RPTOR: variants seen among roughly 807,000 people sequenced by gnomAD.
The protein encoded by RPTOR is regulatory-associated protein of mTOR.
Under a neutral mutation model 169.9 loss-of-function variants are expected in RPTOR, and 21 were observed. The ratio of observed to expected loss-of-function variants is 0.12; its 90% CI spans 0.09 to 0.18. RPTOR has a LOEUF of 0.18. RPTOR is among the 10% of genes least tolerant of loss of function. The pLI is 1.00. For synonymous variants in RPTOR, 732 were observed against 753.2 expected, an observed-to-expected ratio of 0.97 and a Z score of 0.46; for missense variants, 1,133 against 1,855.9, an observed-to-expected ratio of 0.61 and a Z score of 7.16.
In RPTOR at chr17:80,966,117, A is replaced by AACCC. The variant is rs2069426502; in HGVS notation, c.*1787_*1788insACCC. ...GGCAGGTGGCTCCAGAGGGGTCAAG[A>AACCC]CCCCCCCCCGCCCCCGCTCCACCCT... On this transcript the variant is annotated 3_prime_UTR_variant, in exon 34 of 34. Coordinates refer to ENST00000306801, the MANE Select transcript of RPTOR (RefSeq NM_020761.3). The AACCC allele has an allele frequency of 5.7e-6, 1 of 175,608 alleles. No homozygotes were observed. Among genetic ancestry groups the AACCC allele is most frequent in the Non-Finnish European group, 1.1e-5 (1 of 93,008 alleles). 10.9% of individuals were successfully genotyped at this position (175,608 alleles called of 1,614,324 possible).
chr17:80,743,358 A>T (rs2066504059), intron 5 of RPTOR: 1 of 985,364 alleles, frequency 1.0e-6, no homozygotes, highest in Admixed American at 6.1e-5. Flanking sequence ...AGCCACAAGG[A>T]CCGAGGGAGG....
rs948869400 is a variant in RPTOR at position 80,726,224 on chromosome 17, G to C, written c.508-4336G>C. ...TGTTACGGGGTGAAAGCCCCTCTTA[G>C]AATTTAAAGTCCTAGAGCAGAGACC... On this transcript the variant is annotated intron_variant, in intron 4 of 33. Coordinates refer to ENST00000306801, the MANE Select transcript of RPTOR (RefSeq NM_020761.3). This position sits in a 1 kb window ranked among gnomAD's most constrained non-coding sequence, Gnocchi z 4.5. Among the ~76,000 whole-genome samples, 1 of 152,168 alleles carries C rather than the reference G, an allele frequency of 6.6e-6. No individual in the cohort carries two copies. Among genetic ancestry groups the C allele is most frequent in the Non-Finnish European group, 1.5e-5 (1 of 68,028 alleles).
chr17:80,714,612 TAATG>T (rs1350104849), intron 4 of RPTOR, among the ~76,000 whole-genome samples: 1 of 152,196 alleles, frequency 6.6e-6, no homozygotes, highest in Non-Finnish European at 1.5e-5. Flanking sequence ...AACCTAAAGA[TAATG>T]AAACTATGAC....
chr17:80,791,383 C>T, intron 6 of RPTOR, 67 bp from the exon 7 acceptor site: 8 of 1,435,076 alleles, frequency 5.6e-6, no homozygotes, highest in Non-Finnish European at 7.8e-6. Flanking sequence ...CCTTTTTCTG[C>T]AGGCCTGTTG....
intron 9 of RPTOR, among the ~76,000 whole-genome samples, chr17:80,829,066 T>A (rs1228647637): frequency 6.6e-6 from 1 of 152,274 alleles, no homozygotes. Flanking sequence ...TTCTCCATTT[T>A]AAAAATTGAT....
rs565710831 is a variant in RPTOR at position 80,803,780 on chromosome 17, T to C, written c.890+12271T>C. 2 of 152,386 alleles carry C rather than the reference T, an allele frequency of 1.3e-5. No homozygotes were observed. The highest frequency in any genetic ancestry group is 4.8e-5 in the African/African-American group (2 of 41,574). 9.4% of individuals were successfully genotyped at this position (152,386 alleles called of 1,614,324 possible). A position where few individuals can be genotyped will look rare whatever the true frequency, so the allele number is the denominator to read the frequency against. ...AACGCACATAAGAGGAGTGTGAATGTACCAGGAGAGCCATGTGATCGCACA... is the reference window on the plus strand; with the variant it reads ...AACGCACATAAGAGGAGTGTGAATGCACCAGGAGAGCCATGTGATCGCACA... On this transcript the variant is annotated intron_variant, in intron 7 of 33. Transcript: ENST00000306801. This position sits in a 1 kb window ranked among gnomAD's most constrained non-coding sequence, Gnocchi z 6.2.
intron 11 of RPTOR, among the ~76,000 whole-genome samples, chr17:80,850,059 T>G (rs2067777217): frequency 6.6e-6 from 1 of 152,244 alleles, no homozygotes; most frequent in Non-Finnish European, 1.5e-5. Context: ...ATTTATTTAC[T>G]TGGCCCTTTT....
chr17:80,654,881 A>C (rs964546147), intron 3 of RPTOR, among the ~76,000 whole-genome samples: 3 of 152,238 alleles, frequency 2.0e-5, no homozygotes, highest in Admixed American at 2.0e-4. Context: ...TATGCGATGC[A>C]TAATTTTCTA....
chr17:80,730,779 G>GGGC lies in RPTOR; in HGVS notation c.654+73_654+74insGGC. On this transcript the variant is annotated intron_variant, in intron 5 of 33. Transcript: ENST00000306801. The surrounding 1 kb of genome is among the most constrained non-coding windows in gnomAD (Gnocchi z 4.2). ...TCCCTGGGGGTGGGGTTTGGGTGGG[G>GGGC]AGGTTGGGAGGTGTTGGACATCCTC... 2 of 628,128 alleles carry GGGC rather than the reference G, an allele frequency of 3.2e-6. No individual in the cohort carries two copies. Among genetic ancestry groups the GGGC allele is most frequent in the Non-Finnish European group, 5.7e-6 (2 of 353,498 alleles). The allele number at this position is 628,128 out of a possible 1,614,324, so 38.9% of individuals were successfully genotyped here.
intron 1 of RPTOR, among the ~76,000 whole-genome samples, chr17:80,551,501 G>T (rs1568299128): frequency 6.6e-6 from 1 of 152,076 alleles, no homozygotes; most frequent in Admixed American, 6.6e-5. Flanking sequence ...ACAAGGTAAA[G>T]GATTAAGTGC....
At chr17:80,798,054 G>A (rs1464846277) in intron 7 of RPTOR, among the ~76,000 whole-genome samples, 1 of 152,204 alleles carries the variant, frequency 6.6e-6, no homozygotes, top group Non-Finnish European at 1.5e-5. Flanking sequence ...AGCCATGTTT[G>A]TGATGTTCTT....
intron 1 of RPTOR, among the ~76,000 whole-genome samples, chr17:80,582,522 C>T (rs1475372790): frequency 1.4e-5 from 2 of 147,652 alleles, no homozygotes; most frequent in East Asian, 4.0e-4. Flanking sequence ...GTGAGGGTGA[C>T]AGCGGTCAGA....
In RPTOR at chr17:80,754,090, C is replaced by T. The variant is rs1160944582; in HGVS notation, c.735C>T (p.Ala245=). ...PSMKNCIQLA[A]CEATELLPMI... ...TGAAAAACTGCATCCAGCTGGCAGC[C>T]TGCGAGGCCACCGAGCTGCTGCCCA... The change falls in exon 6 of 34, where the codon GCC becomes GCT. Residue 245 remains alanine, a synonymous_variant. Coordinates refer to ENST00000306801, the MANE Select transcript of RPTOR (RefSeq NM_020761.3). The surrounding 1 kb of genome is among the most constrained non-coding windows in gnomAD (Gnocchi z 4.2). The T allele has an allele frequency of 2.5e-6, 4 of 1,613,974 alleles. No homozygotes were observed. The African/African-American group carries it at 5.3e-5, about 22-fold the overall frequency.
intron 1 of RPTOR, among the ~76,000 whole-genome samples, chr17:80,624,557 A>G (rs2065378618): frequency 6.6e-6 from 1 of 152,220 alleles, no homozygotes; most frequent in Non-Finnish European, 1.5e-5. Context: ...ATTGGTTGAT[A>G]GGTTAATGGG....
chr17:80,632,452 T>C (rs1333799848), intron 2 of RPTOR, among the ~76,000 whole-genome samples: 1 of 152,200 alleles, frequency 6.6e-6, no homozygotes, highest in African/African-American at 2.4e-5. Flanking sequence ...ACAGTCTCTT[T>C]GATCAGTATT....
chr17:80,700,799 A>ATGGTGATGGTGGTGGTGGTGGTGG (rs1226907199), intron 3 of RPTOR, among the ~76,000 whole-genome samples: 4 of 11,916 alleles, frequency 3.4e-4, no homozygotes, highest in Non-Finnish European at 7.0e-4. Flanking sequence ...GGTGGTGGTG[A>ATGGTGATGGTGGTGGTGGTGGTGG]TGATGATGGT....
At chr17:80,550,043 C>T (rs1360679576) in intron 1 of RPTOR, among the ~76,000 whole-genome samples, 2 of 152,158 alleles carry the variant, frequency 1.3e-5, no homozygotes, top group Non-Finnish European at 2.9e-5. Flanking sequence ...ATCTGTTCAA[C>T]TAATACATGG....
intron 2 of RPTOR, among the ~76,000 whole-genome samples, chr17:80,639,916 A>G (rs980865296): frequency 1.3e-5 from 2 of 152,258 alleles, no homozygotes; most frequent in African/African-American, 4.8e-5. Flanking sequence ...GCTGAATGCC[A>G]GCACTATCAA....
At position 80,730,665 on chromosome 17, in the gene RPTOR, T is replaced by C; in HGVS notation, c.613T>C (p.Ser205Pro). 1 of 1,609,804 alleles carries C rather than the reference T, an allele frequency of 6.2e-7. No homozygotes were observed. The highest frequency in any genetic ancestry group is 2.2e-5 in the East Asian group (1 of 44,570). ...CTCCAATGCTGGCTTGATCGTCAAG[T>C]CCTTCAAGCAGTTCGCACTACAGCG... ...DCSNAGLIVK[S>P]FKQFALQREQ... Residue 205 changes from serine (S) to proline (P), a missense_variant, in exon 5 of 34, where the codon TCC becomes CCC. Transcript: ENST00000306801. This position sits in a 1 kb window ranked among gnomAD's most constrained non-coding sequence, Gnocchi z 4.2.
Sources: allele counts gnomAD v4.1 joint callset (sites outside exome capture counted in the v4.1 genomes callset), GRCh38; gene constraint gnomAD v4.1.1; non-coding constraint Gnocchi (gnomAD v3.1); transcripts MANE v1.5; gene names NCBI Gene and HGNC (gene_info 2026-07-23, HGNC 2026-07-21).